ANAPC10: variants seen among roughly 807,000 people sequenced by gnomAD.
ANAPC10 encodes anaphase promoting complex subunit 10.
Under a neutral mutation model 22.0 loss-of-function variants are expected in ANAPC10, and 12 were observed. That is an observed-to-expected ratio of 0.55 (90% CI 0.35 to 0.88). ANAPC10 has a LOEUF of 0.88. Among genes scored for constraint, ANAPC10 ranks in the 40% least tolerant of loss-of-function variants. The pLI is 0.01. For synonymous variants in ANAPC10, 65 were observed against 69.5 expected, an observed-to-expected ratio of 0.94 and a Z score of 0.32; for missense variants, 188 against 220.9, an observed-to-expected ratio of 0.85 and a Z score of 0.94.
intron 4 of ANAPC10, among the ~76,000 whole-genome samples, chr4:145,022,467 G>A (rs1180574061): frequency 2.0e-5 from 3 of 151,998 alleles, no homozygotes; most frequent in Non-Finnish European, 4.4e-5. Flanking sequence ...TAAGCTATGA[G>A]GATGCAAAGG....
intron 4 of ANAPC10, among the ~76,000 whole-genome samples, chr4:145,026,296 G>A (rs1040352176): frequency 6.6e-6 from 1 of 152,166 alleles, no homozygotes; most frequent in Non-Finnish European, 1.5e-5. Flanking sequence ...ATTCTCATTG[G>A]TTGGAATATA....
intron 3 of ANAPC10, among the ~76,000 whole-genome samples, chr4:145,079,225 C>T (rs1056977620): frequency 5.3e-5 from 8 of 152,066 alleles, no homozygotes; most frequent in Admixed American, 5.2e-4. Context: ...AGGACATGAA[C>T]GGACATTCCT....
At chr4:145,075,777 G>A (rs943687796) in intron 3 of ANAPC10, among the ~76,000 whole-genome samples, 4 of 152,196 alleles carry the variant, frequency 2.6e-5, no homozygotes, top group Non-Finnish European at 5.9e-5. Flanking sequence ...GCTGCTTGGA[G>A]AGTTAGCAGG....
chr4:144,997,916 C>A (rs1006564776), intron 4 of ANAPC10, among the ~76,000 whole-genome samples: 7 of 151,934 alleles, frequency 4.6e-5, no homozygotes, highest in African/African-American at 7.2e-5. Flanking sequence ...ACAAAAAAAA[C>A]CAGGGGTTGC....
At chr4:145,022,700 T>C (rs1736126227) in intron 4 of ANAPC10, among the ~76,000 whole-genome samples, 1 of 151,852 alleles carries the variant, frequency 6.6e-6, no homozygotes, top group South Asian at 2.1e-4. Flanking sequence ...TATATAGAAC[T>C]TTCTGTGAGC....
chr4:145,088,664 C>T (rs1304828016), intron 2 of ANAPC10, among the ~76,000 whole-genome samples: 5 of 152,178 alleles, frequency 3.3e-5, no homozygotes, highest in African/African-American at 1.2e-4. Flanking sequence ...ATTACTATAA[C>T]ATCATTTCCT....
intron 4 of ANAPC10, among the ~76,000 whole-genome samples, chr4:145,013,522 A>G (rs185615576): frequency 9.8e-5 from 15 of 152,294 alleles, no homozygotes; most frequent in Admixed American, 9.2e-4. Context: ...ACAGAATGCA[A>G]TCATTAATAA....
At chr4:145,075,478 A>G (rs1308004444) in intron 3 of ANAPC10, among the ~76,000 whole-genome samples, 1 of 152,030 alleles carries the variant, frequency 6.6e-6, no homozygotes, top group Non-Finnish European at 1.5e-5. Flanking sequence ...AGCTTCATTC[A>G]CCGAGAAACC....
chr4:145,029,975 T>C (rs528549808), intron 4 of ANAPC10, among the ~76,000 whole-genome samples: 43 of 152,256 alleles, frequency 2.8e-4, no homozygotes, highest in African/African-American at 1.0e-3. Context: ...TTAAATAAAA[T>C]GGGAATAATT....
chr4:145,060,403 T>C (rs1742709823), intron 4 of ANAPC10, among the ~76,000 whole-genome samples: 2 of 152,032 alleles, frequency 1.3e-5, no homozygotes, highest in South Asian at 4.1e-4. Flanking sequence ...CTAGATACAA[T>C]ACATGCTTCA....
chr4:144,996,741 C>T (rs1022317244), intron 4 of ANAPC10, among the ~76,000 whole-genome samples: 6 of 152,144 alleles, frequency 3.9e-5, no homozygotes, highest in African/African-American at 4.8e-5. Flanking sequence ...ATGACTTTGA[C>T]GAGTTGAGAG....
At chr4:145,076,790 T>C (rs1745262582) in intron 3 of ANAPC10, among the ~76,000 whole-genome samples, 1 of 152,140 alleles carries the variant, frequency 6.6e-6, no homozygotes, top group Non-Finnish European at 1.5e-5. Context: ...GCTGAAAAAC[T>C]CACTACAAGG....
At chr4:145,023,477 A>G (rs1736247791) in intron 4 of ANAPC10, among the ~76,000 whole-genome samples, 1 of 152,080 alleles carries the variant, frequency 6.6e-6, no homozygotes, top group African/African-American at 2.4e-5. Flanking sequence ...TACACGATGA[A>G]GATTTCATTT....
At chr4:145,045,335 A>G (rs1189304252) in intron 4 of ANAPC10, among the ~76,000 whole-genome samples, 1 of 152,084 alleles carries the variant, frequency 6.6e-6, no homozygotes, top group Non-Finnish European at 1.5e-5. Flanking sequence ...GTTTCAAAAG[A>G]GCCAAATATA....
chr4:145,052,369 A>G (rs773781015), intron 4 of ANAPC10, among the ~76,000 whole-genome samples: 101 of 152,344 alleles, frequency 6.6e-4, no homozygotes, highest in Non-Finnish European at 1.2e-3. Context: ...AGCACCATAA[A>G]TATACACAAT....
At position 145,087,822 on chromosome 4, in the gene ANAPC10, G is replaced by A. The variant is rs1434405880; in HGVS notation, c.116-6072C>T. ...AGCATTTTGGGAGGCTGAGGTGGGC[G>A]GATCACTTGAGGTCAAGAGTTTGAG... On this transcript the variant is annotated intron_variant, in intron 2 of 4. Transcript: ENST00000507656. Among the ~76,000 whole-genome samples the A allele has an allele frequency of 6.6e-5, 10 of 152,064 alleles. No individual in the cohort carries two copies. In the East Asian group the frequency reaches 1.3e-3, roughly 21 times the overall value.
At chr4:145,041,104 A>G (rs1739446817) in intron 4 of ANAPC10, among the ~76,000 whole-genome samples, 1 of 152,200 alleles carries the variant, frequency 6.6e-6, no homozygotes, top group African/African-American at 2.4e-5. Flanking sequence ...TAGTGGTCCC[A>G]TAATTCATAT....
chr4:145,011,672 GCAGAGCTA>G (rs1734337091), intron 4 of ANAPC10, among the ~76,000 whole-genome samples: 1 of 152,136 alleles, frequency 6.6e-6, no homozygotes, highest in Admixed American at 6.6e-5. Flanking sequence ...AGAGAAACAT[GCAGAGCTA>G]TTACTAGGGT....
At chr4:145,007,829 A>G (rs992165939) in intron 4 of ANAPC10, among the ~76,000 whole-genome samples, 3 of 150,900 alleles carry the variant, frequency 2.0e-5, no homozygotes, top group East Asian at 2.0e-4. Flanking sequence ...CTAAGATCAG[A>G]GCAGAATTGA....
Sources: gnomAD v4.1 joint callset for allele counts (sites outside exome capture counted in the v4.1 genomes callset) on GRCh38, gnomAD v4.1.1 for gene constraint, MANE v1.5 for transcripts, NCBI Gene and HGNC (gene_info 2026-07-23, HGNC 2026-07-21) for gene names.